The following CD276 variants were observed in gnomAD, a reference collection of about 807,000 sequenced individuals.
CD276 encodes the protein CD276 antigen.
CD276 carries 34 observed loss-of-function variants against 50.0 expected under a neutral mutation model. The observed-to-expected ratio is 0.68, with a 90% CI of 0.52 to 0.91. CD276 has a LOEUF of 0.91. Ranked by LOEUF, CD276 falls within the 40% of genes least tolerant of loss-of-function variation. The pLI is 0.00. For missense variants in CD276, 634 were observed against 717.5 expected, an observed-to-expected ratio of 0.88 and a Z score of 1.33; for synonymous variants, 275 against 313.0, an observed-to-expected ratio of 0.88 and a Z score of 1.28.
chr15:73,704,262 C>T lies in CD276; in HGVS notation c.1159C>T (p.Arg387Trp), dbSNP rs982390898. The change falls in exon 6 of 10, where the codon CGG becomes TGG. Residue 387 changes from arginine (R) to tryptophan (W), a missense_variant. Coordinates refer to ENST00000318443, the MANE Select transcript of CD276 (RefSeq NM_001024736.2). This position sits in a 1 kb window ranked among gnomAD's most constrained non-coding sequence, Gnocchi z 4.1. ...GGTGACCATCACGTGCTCCAGCTACCGGGGCTACCCTGAGGCTGAGGTGTT... is the reference window on the plus strand; with the variant it reads ...GGTGACCATCACGTGCTCCAGCTACTGGGGCTACCCTGAGGCTGAGGTGTT... ...DTVTITCSSY[R>W]GYPEAEVFWQ... 31 of 1,614,160 alleles carry T rather than the reference C, an allele frequency of 1.9e-5. No individual in the cohort carries two copies. The highest frequency in any genetic ancestry group is 5.5e-5 in the South Asian group (5 of 91,090).
At chr15:73,699,404 AG>A (rs1900290564) in intron 1 of CD276, among the ~76,000 whole-genome samples, 181 bp from the exon 2 acceptor site, 1 of 152,134 alleles carries the variant, frequency 6.6e-6, no homozygotes, top group Admixed American at 6.5e-5. Flanking sequence ...AGGCCTCCCC[AG>A]GGACTCCCTG....
chr15:73,711,657 C>T (rs1900906560), intron 9 of CD276: 1 of 160,486 alleles, frequency 6.2e-6, no homozygotes, highest in Non-Finnish European at 1.4e-5. Context: ...CATATGAGCC[C>T]TAACTCAGGG....
At chr15:73,702,688 G>GC (rs1900452041) in intron 3 of CD276, 84 bp from the exon 4 acceptor site, 2 of 1,557,172 alleles carry the variant, frequency 1.3e-6, no homozygotes, top group East Asian at 4.7e-5. Flanking sequence ...GAACCCCAGT[G>GC]CTGATTCCTG....
At chr15:73,694,450 G>T (rs995126888) in intron 1 of CD276, among the ~76,000 whole-genome samples, 6 of 152,154 alleles carry the variant, frequency 3.9e-5, no homozygotes, top group Non-Finnish European at 8.8e-5. Flanking sequence ...GGAAAGTAAG[G>T]GTGGGATGGC....
At chr15:73,710,261 CTG>C (rs978537430) in intron 8 of CD276, among the ~76,000 whole-genome samples, 1 of 152,242 alleles carries the variant, frequency 6.6e-6, no homozygotes, top group African/African-American at 2.4e-5. Flanking sequence ...TAGTTACAGA[CTG>C]TGTAGCTTTG....
intron 1 of CD276, among the ~76,000 whole-genome samples, chr15:73,685,874 G>A (rs1285319197): frequency 1.3e-5 from 2 of 152,194 alleles, no homozygotes; most frequent in Non-Finnish European, 2.9e-5. Context: ...AGGGCAGGAT[G>A]GAGGGCTATG....
intron 1 of CD276, among the ~76,000 whole-genome samples, 174 bp from the exon 2 acceptor site, chr15:73,699,412 C>G (rs1368990828): frequency 6.6e-6 from 1 of 152,198 alleles, no homozygotes; most frequent in Non-Finnish European, 1.5e-5. Context: ...CCAGGGACTC[C>G]CTGCCAAGCA....
Position 73,703,772 on chromosome 15 carries a change from C to T in CD276, c.847C>T (p.Leu283Phe). 3 of 1,613,698 alleles carry T rather than the reference C, an allele frequency of 1.9e-6. No individual in the cohort carries two copies. Among genetic ancestry groups the T allele is most frequent in the Non-Finnish European group, 2.5e-6 (3 of 1,180,028 alleles). Residue 283 changes from leucine to phenylalanine, a missense_variant, in exon 5 of 10, where the codon CTC becomes TTC. Coordinates refer to ENST00000318443, the MANE Select transcript of CD276 (RefSeq NM_001024736.2). ...EPGFSLAQLN[L>F]IWQLTDTKQL... ...TGGCTTCAGCCTGGCACAGCTCAAC[C>T]TCATCTGGCAGCTGACAGACACCAA...
intron 1 of CD276, chr15:73,697,630 G>C (rs572086397): frequency 1.3e-5 from 2 of 148,606 alleles, no homozygotes; most frequent in African/African-American, 5.0e-5. Context: ...GTACAGTGGC[G>C]CGATTTCCAC....
rs1488858507 is a variant in CD276, at chr15:73,708,416, G to T, written c.1447G>T (p.Ala483Ser). Residue 483 changes from alanine to serine, a missense_variant, in exon 7 of 10, where the codon GCC becomes TCC. Physicochemically the swap from Ala to Ser is moderately conservative, Grantham distance 99 (BLOSUM62 1). Coordinates refer to ENST00000318443, the MANE Select transcript of CD276 (RefSeq NM_001024736.2). Reference protein sequence around the residue: ...LSVCLIALLVALAFVCWRKIK... With the variant: ...LSVCLIALLVSLAFVCWRKIK... ...TGTCTGTCTCATTGCACTGCTGGTG[G>T]CCCTGGCTTTCGTGTGCTGGAGAAA... The T allele has an allele frequency of 1.2e-6, 2 of 1,614,182 alleles. No individual in the cohort carries two copies. The highest frequency in any genetic ancestry group is 4.5e-5 in the East Asian group (2 of 44,878).
At position 73,703,949 on chromosome 15, in the gene CD276, G is replaced by C. The variant is rs376538497; in HGVS notation, c.1024G>C (p.Val342Leu). ...GGACGAGGGCAGCTTCACCTGCTTC[G>C]TGAGCATCCGGGATTTCGGCAGCGC... ...VADEGSFTCF[V>L]SIRDFGSAAV... Residue 342 changes from valine (V) to leucine (L), a missense_variant, in exon 5 of 10, where the codon GTG becomes CTG. Val to Leu is a conservative substitution (Grantham distance 32). Transcript: ENST00000318443. 2.5e-6 allele frequency: 4 copies of C among 1,612,716 alleles called. No homozygotes were observed. Among genetic ancestry groups the C allele is most frequent in the Non-Finnish European group, 3.4e-6 (4 of 1,179,926 alleles).
At chr15:73,708,054 A>C (rs551310496) in intron 6 of CD276, among the ~76,000 whole-genome samples, 5 of 152,322 alleles carry the variant, frequency 3.3e-5, no homozygotes, top group African/African-American at 1.2e-4. Context: ...TGAAGCTTGA[A>C]GCATTATTCT....
rs775840973 is a variant in CD276, at chr15:73,699,738, G to T, written c.79+20G>T. On this transcript the variant is annotated intron_variant, in intron 2 of 9. Coordinates refer to ENST00000318443, the MANE Select transcript of CD276 (RefSeq NM_001024736.2). ...TCACAGGTGAGGGTAGCAGCATGGGGACGGGAGGGGAGGGACAGTGATTGT... is the reference window on the plus strand; with the variant it reads ...TCACAGGTGAGGGTAGCAGCATGGGTACGGGAGGGGAGGGACAGTGATTGT... 3 of 1,575,090 alleles carry T rather than the reference G, an allele frequency of 1.9e-6. No individual in the cohort carries two copies. Among genetic ancestry groups the T allele is most frequent in the Non-Finnish European group, 2.6e-6 (3 of 1,158,982 alleles).
At chr15:73,699,842 C>T (rs1315820746) in intron 2 of CD276, 124 bp downstream of exon 2, 2 of 1,160,806 alleles carry the variant, frequency 1.7e-6, no homozygotes, top group Non-Finnish European at 2.4e-6. Context: ...TACCTTACTT[C>T]CACCTGTGGG....
At chr15:73,708,264 T>C in intron 6 of CD276, 75 bp from the exon 7 acceptor site, 1 of 1,554,352 alleles carries the variant, frequency 6.4e-7, no homozygotes, top group Non-Finnish European at 8.8e-7. Context: ...CTGTTCACAC[T>C]TGGAGCCAAT....
At chr15:73,691,751 G>A (rs1899996076) in intron 1 of CD276, among the ~76,000 whole-genome samples, 1 of 152,250 alleles carries the variant, frequency 6.6e-6, no homozygotes, top group South Asian at 2.1e-4. Flanking sequence ...AGCTACCAAA[G>A]ACGGAGACGA....
chr15:73,688,581 G>A (rs1003483849), intron 1 of CD276, among the ~76,000 whole-genome samples: 4 of 152,216 alleles, frequency 2.6e-5, no homozygotes, highest in Non-Finnish European at 5.9e-5. Context: ...AATAAGTGAG[G>A]AAGAGAGATA....
intron 1 of CD276, among the ~76,000 whole-genome samples, chr15:73,688,752 G>C (rs1899863950): frequency 6.6e-6 from 1 of 152,192 alleles, no homozygotes; most frequent in African/African-American, 2.4e-5. Context: ...CTAGCTCTGA[G>C]GACTGGTGGA....
Position 73,704,421 on chromosome 15 carries a change from G to T in CD276, c.1318G>T (p.Val440Leu), listed in dbSNP as rs767540312. 9.9e-6 allele frequency: 16 copies of T among 1,613,986 alleles called. No individual in the cohort carries two copies. The highest frequency in any genetic ancestry group is 1.3e-5 in the African/African-American group (1 of 75,058). Residue 440 changes from valine to leucine, a missense_variant, in exon 6 of 10, where the codon GTG becomes TTG. Coordinates refer to ENST00000318443, the MANE Select transcript of CD276 (RefSeq NM_001024736.2). The surrounding 1 kb of genome is among the most constrained non-coding windows in gnomAD (Gnocchi z 4.1). ...TGCGAATGGCACCTACAGCTGCCTGGTGCGCAACCCCGTGCTGCAGCAGGA... is the reference window on the plus strand; with the variant it reads ...TGCGAATGGCACCTACAGCTGCCTGTTGCGCAACCCCGTGCTGCAGCAGGA... Reference protein sequence around the residue: ...LGANGTYSCLVRNPVLQQDAH... With the variant: ...LGANGTYSCLLRNPVLQQDAH...
Sources: allele counts gnomAD v4.1 joint callset (sites outside exome capture counted in the v4.1 genomes callset), GRCh38; gene constraint gnomAD v4.1.1; non-coding constraint Gnocchi (gnomAD v3.1); transcripts MANE v1.5; gene names NCBI Gene and HGNC (gene_info 2026-07-23, HGNC 2026-07-21).